MEIS2: variants seen among roughly 807,000 people sequenced by gnomAD.
The protein encoded by MEIS2 is Meis homeobox 2.
MEIS2 carries 9 observed loss-of-function variants against 58.6 expected under a neutral mutation model. The ratio of observed to expected loss-of-function variants is 0.15; its 90% CI spans 0.09 to 0.27. The LOEUF (loss-of-function observed/expected upper bound fraction) is 0.27, where lower values mean the gene tolerates loss of function less well. Ranked by LOEUF, MEIS2 falls within the 10% of genes least tolerant of loss-of-function variation. The pLI is 1.00. For missense variants in MEIS2, 427 were observed against 635.0 expected, an observed-to-expected ratio of 0.67 and a Z score of 3.52; for synonymous variants, 221 against 228.4, an observed-to-expected ratio of 0.97 and a Z score of 0.29.
At chr15:36,996,798 C>T (rs966393366) in intron 8 of MEIS2, among the ~76,000 whole-genome samples, 3 of 152,170 alleles carry the variant, frequency 2.0e-5, no homozygotes, top group South Asian at 2.1e-4. Flanking sequence ...AAGACCTAAA[C>T]TGCATGATTT....
At chr15:37,041,461 C>T (rs944352502) in intron 7 of MEIS2, among the ~76,000 whole-genome samples, 3 of 152,170 alleles carry the variant, frequency 2.0e-5, no homozygotes, top group African/African-American at 7.2e-5. Flanking sequence ...GGATTTACAC[C>T]TATGCTCTCA....
intron 9 of MEIS2, among the ~76,000 whole-genome samples, chr15:36,940,241 G>C (rs1167676292): frequency 4.6e-5 from 7 of 152,144 alleles, no homozygotes; most frequent in African/African-American, 1.7e-4. Context: ...AGTCTTGCGG[G>C]AGGCAAGTTG....
intron 8 of MEIS2, among the ~76,000 whole-genome samples, chr15:37,014,280 C>T (rs1266157117): frequency 6.6e-6 from 1 of 152,144 alleles, no homozygotes; most frequent in Non-Finnish European, 1.5e-5. Context: ...CGATTATCTC[C>T]CAAATTGCCA....
At chr15:36,931,271 T>C (rs1288299532) in intron 9 of MEIS2, among the ~76,000 whole-genome samples, 1 of 152,198 alleles carries the variant, frequency 6.6e-6, no homozygotes, top group East Asian at 1.9e-4. Flanking sequence ...ACAGTTAACA[T>C]ATTGAAAATA....
At position 36,963,638 on chromosome 15, in the gene MEIS2, T is replaced by G. The variant is rs546132071; in HGVS notation, c.901-13238A>C. Reference sequence around the variant, plus strand: ...CTAACTAGCCAATTTTGAAATGGCCTGGGAACATACTACTACAAGGAATGA... The same window carrying G: ...CTAACTAGCCAATTTTGAAATGGCCGGGGAACATACTACTACAAGGAATGA... On this transcript the variant is annotated intron_variant, in intron 8 of 11. Transcript: ENST00000561208. Among the ~76,000 whole-genome samples, 5 of 152,326 alleles carry G rather than the reference T, an allele frequency of 3.3e-5. No individual in the cohort carries two copies. The South Asian group carries it at 6.2e-4, about 19-fold the overall frequency.
chr15:36,908,063 A>T (rs1181305852), intron 9 of MEIS2, among the ~76,000 whole-genome samples: 1 of 152,230 alleles, frequency 6.6e-6, no homozygotes, highest in East Asian at 1.9e-4. Context: ...GCAAAAAAAA[A>T]ATCTATTCAT....
At position 37,029,628 on chromosome 15, in the gene MEIS2, A is replaced by G. The variant is rs557105918; in HGVS notation, c.900+7186T>C. On this transcript the variant is annotated intron_variant, in intron 8 of 11. Coordinates refer to ENST00000561208, the MANE Select transcript of MEIS2 (RefSeq NM_170675.5). ...AACCCTTGGTGATACATAAGCTCTG[A>G]GCGGCTTCAAGCAGCTAGAAAGCCA... 2.6e-5 allele frequency among the ~76,000 whole-genome samples: 4 copies of G among 152,234 alleles called. No individual in the cohort carries two copies. In the East Asian group the frequency reaches 7.7e-4, roughly 29 times the overall value.
In MEIS2 at chr15:37,097,969, A is replaced by G. The variant is rs756657385; in HGVS notation, c.243T>C (p.Tyr81=). Reference sequence around the variant, plus strand: ...CTGGGTCCGGGGGGTCAGTTTACCCATAGATCGCGTCCTTGTCCCGCTTCA... The same window carrying G: ...CTGGGTCCGGGGGGTCAGTTTACCCGTAGATCGCGTCCTTGTCCCGCTTCA... ...DALKRDKDAI[Y]GHPLFPLLAL... Residue 81 remains tyrosine, a splice_region_variant and synonymous_variant, in exon 2 of 12, where the codon TAT becomes TAC. Coordinates refer to ENST00000561208, the MANE Select transcript of MEIS2 (RefSeq NM_170675.5). 1.4e-5 allele frequency: 23 copies of G among 1,593,764 alleles called. No homozygotes were observed. In the South Asian group the frequency reaches 1.8e-4, roughly 13 times the overall value.
chr15:36,984,083 G>A (rs895816977), intron 8 of MEIS2, among the ~76,000 whole-genome samples: 7 of 151,960 alleles, frequency 4.6e-5, no homozygotes, highest in Non-Finnish European at 1.0e-4. Context: ...ATAAGATTAT[G>A]TCATCTACAG....
At chr15:36,987,016 C>G (rs1054238738) in intron 8 of MEIS2, among the ~76,000 whole-genome samples, 1 of 152,040 alleles carries the variant, frequency 6.6e-6, no homozygotes, top group African/African-American at 2.4e-5. Flanking sequence ...AAAGTGTGTA[C>G]CCCAAGATTT....
intron 8 of MEIS2, among the ~76,000 whole-genome samples, chr15:36,989,425 C>T (rs997938386): frequency 1.1e-4 from 17 of 151,558 alleles, no homozygotes; most frequent in Admixed American, 3.3e-4. Flanking sequence ...GGTGTAGGTT[C>T]GGCTTGGGAG....
chr15:36,947,442 T>G (rs1401679738), intron 9 of MEIS2, among the ~76,000 whole-genome samples: 1 of 152,002 alleles, frequency 6.6e-6, no homozygotes, highest in East Asian at 1.9e-4. Flanking sequence ...TTTTATTGCT[T>G]ATTGCTCTCA....
intron 8 of MEIS2, among the ~76,000 whole-genome samples, chr15:37,013,058 T>A (rs2061219420): frequency 6.6e-6 from 1 of 152,118 alleles, no homozygotes; most frequent in African/African-American, 2.4e-5. Context: ...CAAGTCAAAA[T>A]GTTGATTCTT....
At chr15:36,962,813 C>G (rs970744742) in intron 8 of MEIS2, among the ~76,000 whole-genome samples, 2 of 152,200 alleles carry the variant, frequency 1.3e-5, no homozygotes, top group African/African-American at 4.8e-5. Flanking sequence ...TAGCAAAACA[C>G]TTAAGGATTG....
chr15:37,062,597 A>G (rs1386706347), intron 7 of MEIS2, among the ~76,000 whole-genome samples: 1 of 152,192 alleles, frequency 6.6e-6, no homozygotes, highest in Non-Finnish European at 1.5e-5. Flanking sequence ...CAATATTTAA[A>G]TCAAAACAAA....
At chr15:36,966,356 A>G (rs2059356557) in intron 8 of MEIS2, among the ~76,000 whole-genome samples, 1 of 152,244 alleles carries the variant, frequency 6.6e-6, no homozygotes, top group Non-Finnish European at 1.5e-5. Context: ...TGGCTCAAGC[A>G]TACACATTCT....
chr15:37,042,215 C>T (rs564615711), intron 7 of MEIS2, among the ~76,000 whole-genome samples: 21 of 152,232 alleles, frequency 1.4e-4, no homozygotes, highest in Admixed American at 1.4e-3. Flanking sequence ...TTGCTTTATT[C>T]CATTTAGCCA....
intron 8 of MEIS2, among the ~76,000 whole-genome samples, chr15:36,968,360 A>G (rs940586943): frequency 6.6e-6 from 1 of 152,240 alleles, no homozygotes; most frequent in African/African-American, 2.4e-5. Flanking sequence ...TGGGTTGAAA[A>G]ATAGGGGTTG....
At chr15:37,092,963 A>G (rs1333567083) in intron 6 of MEIS2, among the ~76,000 whole-genome samples, 2 of 152,066 alleles carry the variant, frequency 1.3e-5, no homozygotes, top group African/African-American at 4.8e-5. Flanking sequence ...TAATTGGTTC[A>G]TCAAGGTTAC....
Sources: gnomAD v4.1 joint callset for allele counts (sites outside exome capture counted in the v4.1 genomes callset) on GRCh38, gnomAD v4.1.1 for gene constraint, MANE v1.5 for transcripts, NCBI Gene and HGNC (gene_info 2026-07-23, HGNC 2026-07-21) for gene names.